Variants in NIM1K observed in about 807,000 individuals in gnomAD.
NIM1K encodes the protein serine/threonine-protein kinase NIM1.
NIM1K carries 35 observed loss-of-function variants against 37.1 expected under a neutral mutation model. The ratio of observed to expected loss-of-function variants is 0.94; its 90% CI spans 0.72 to 1.25. The LOEUF (loss-of-function observed/expected upper bound fraction) is 1.25, where lower values mean the gene tolerates loss of function less well. Among genes scored for constraint, NIM1K ranks in the 50% most tolerant of loss-of-function variants. NIM1K has a pLI of 0.00. For synonymous variants in NIM1K, 234 were observed against 206.6 expected, an observed-to-expected ratio of 1.13 and a Z score of -1.14; for missense variants, 564 against 548.0, an observed-to-expected ratio of 1.03 and a Z score of -0.29.
At chr5:43,211,518 C>A (rs1752203694) in intron 1 of NIM1K, among the ~76,000 whole-genome samples, 1 of 152,170 alleles carries the variant, frequency 6.6e-6, no homozygotes, top group Non-Finnish European at 1.5e-5. Flanking sequence ...GTCAGTGAGA[C>A]CTTGCGGTTT....
intron 1 of NIM1K, among the ~76,000 whole-genome samples, chr5:43,194,352 A>C (rs1409047669): frequency 6.6e-6 from 1 of 152,140 alleles, no homozygotes; most frequent in Non-Finnish European, 1.5e-5. Flanking sequence ...GTAAACCCTC[A>C]TGGGTTTATT....
intron 1 of NIM1K, among the ~76,000 whole-genome samples, chr5:43,240,897 T>C (rs1752690681): frequency 6.6e-6 from 1 of 151,992 alleles, no homozygotes; most frequent in Non-Finnish European, 1.5e-5. Flanking sequence ...ACAGTATATC[T>C]TGGATACTGT....
chr5:43,214,475 A>C (rs1339681438), intron 1 of NIM1K, among the ~76,000 whole-genome samples: 1 of 152,144 alleles, frequency 6.6e-6, no homozygotes, highest in Non-Finnish European at 1.5e-5. Flanking sequence ...TTATTTATGA[A>C]TAGATGTCCA....
intron 1 of NIM1K, among the ~76,000 whole-genome samples, chr5:43,242,626 A>G (rs766672951): frequency 2.7e-4 from 41 of 151,996 alleles, no homozygotes; most frequent in Non-Finnish European, 1.6e-4. Context: ...GTTAAATTCT[A>G]GGATAGTGTT....
chr5:43,278,998 T>C (rs1178601870), intron 3 of NIM1K, among the ~76,000 whole-genome samples: 3 of 152,170 alleles, frequency 2.0e-5, no homozygotes, highest in African/African-American at 4.8e-5. Flanking sequence ...GTCTTCCACA[T>C]TCTACTTGGA....
At chr5:43,260,466 T>G (rs1383522372) in intron 2 of NIM1K, among the ~76,000 whole-genome samples, 1 of 152,222 alleles carries the variant, frequency 6.6e-6, no homozygotes, top group Non-Finnish European at 1.5e-5. Context: ...CATGACATTG[T>G]TTTTGTCATA....
At chr5:43,209,874 C>T (rs1752178528) in intron 1 of NIM1K, among the ~76,000 whole-genome samples, 1 of 152,190 alleles carries the variant, frequency 6.6e-6, no homozygotes, top group Admixed American at 6.6e-5. Flanking sequence ...CTGGGCCTCC[C>T]AAAGTGCTGG....
At chr5:43,250,901 T>C (rs1163380291) in intron 2 of NIM1K, among the ~76,000 whole-genome samples, 1 of 152,226 alleles carries the variant, frequency 6.6e-6, no homozygotes, top group Non-Finnish European at 1.5e-5. Context: ...AAGCGTGGAC[T>C]TGGGGACCAG....
At chr5:43,226,943 C>T (rs190252951) in intron 1 of NIM1K, among the ~76,000 whole-genome samples, 8 of 152,288 alleles carry the variant, frequency 5.3e-5, no homozygotes, top group African/African-American at 9.6e-5. Context: ...GGGCAGGAGC[C>T]GTCCTCACAG....
At chr5:43,277,002 G>A in intron 2 of NIM1K, 55 bp from the exon 3 acceptor site, 1 of 1,581,832 alleles carries the variant, frequency 6.3e-7, no homozygotes, top group Non-Finnish European at 8.6e-7. Context: ...GTCCTCTCCA[G>A]TTCTAACTAT....
chr5:43,275,324 T>A (rs1001677743), intron 2 of NIM1K, among the ~76,000 whole-genome samples: 2 of 152,222 alleles, frequency 1.3e-5, no homozygotes, highest in Non-Finnish European at 2.9e-5. Context: ...CACTCTATTT[T>A]AACTATCTCT....
chr5:43,204,171 G>A (rs771720597), intron 1 of NIM1K, among the ~76,000 whole-genome samples: 8 of 118,752 alleles, frequency 6.7e-5, no homozygotes, highest in Non-Finnish European at 1.3e-4. Context: ...TGCAACCTCC[G>A]CTTCCTGGGG....
rs74508065 is a variant in NIM1K at position 43,227,847 on chromosome 5, T to C, written c.-694-17235T>C. 1.5e-3 allele frequency among the ~76,000 whole-genome samples: 230 copies of C among 152,302 alleles called. 1 individual carries two copies. Among genetic ancestry groups the C allele is most frequent in the African/African-American group, 5.2e-3 (216 of 41,556 alleles). ...ATGTTTTGGAATTCACCCCATATTG[T>C]CTAATCCAGGATCTCAGAAGGGCAG... On this transcript the variant is annotated intron_variant, in intron 1 of 3. Coordinates refer to ENST00000326035, the MANE Select transcript of NIM1K (RefSeq NM_153361.4).
intron 2 of NIM1K, among the ~76,000 whole-genome samples, chr5:43,276,619 G>A (rs569396474): frequency 2.0e-5 from 3 of 152,340 alleles, no homozygotes; most frequent in East Asian, 1.9e-4. Flanking sequence ...GAATGAACCA[G>A]GTAGAGAAAA....
intron 1 of NIM1K, among the ~76,000 whole-genome samples, chr5:43,220,042 C>A (rs1579962821): frequency 6.6e-6 from 1 of 152,162 alleles, no homozygotes; most frequent in South Asian, 2.1e-4. Context: ...TCCTTTGATG[C>A]ATACGATTTT....
intron 1 of NIM1K, among the ~76,000 whole-genome samples, chr5:43,213,050 TG>T (rs1752225825): frequency 6.6e-6 from 1 of 152,218 alleles, no homozygotes; most frequent in South Asian, 2.1e-4. Context: ...TTCAGGCAAC[TG>T]GTAACTATGC....
rs559784052 is a variant in NIM1K at position 43,246,404 on chromosome 5, C to T, written c.292+337C>T. ...AAACATGAGAAGAATCTGTCCTCTC[C>T]GGTGAGGCCCTTGAGAAGTGGAGTG... On this transcript the variant is annotated intron_variant, in intron 2 of 3. Coordinates refer to ENST00000326035, the MANE Select transcript of NIM1K (RefSeq NM_153361.4). Among the ~76,000 whole-genome samples the T allele has an allele frequency of 4.6e-5, 7 of 151,722 alleles. No individual in the cohort carries two copies. The East Asian group carries it at 5.8e-4, about 13-fold the overall frequency.
intron 2 of NIM1K, among the ~76,000 whole-genome samples, chr5:43,256,590 G>A (rs1752950777): frequency 6.6e-6 from 1 of 152,112 alleles, no homozygotes; most frequent in Non-Finnish European, 1.5e-5. Context: ...TCCCCCTTGG[G>A]CCTTACCATT....
chr5:43,273,436 C>G (rs549902906), intron 2 of NIM1K, among the ~76,000 whole-genome samples: 2 of 152,224 alleles, frequency 1.3e-5, no homozygotes, highest in Admixed American at 1.3e-4. Context: ...GTCTTGAACT[C>G]TTGACCTTGT....
Sources: allele counts gnomAD v4.1 joint callset (sites outside exome capture counted in the v4.1 genomes callset), GRCh38; gene constraint gnomAD v4.1.1; transcripts MANE v1.5; gene names NCBI Gene and HGNC (gene_info 2026-07-23, HGNC 2026-07-21).